The following SHANK2 variants were observed in gnomAD, a reference collection of about 807,000 sequenced individuals.
The protein encoded by SHANK2 is SH3 and multiple ankyrin repeat domains protein 2.
Under a neutral mutation model 133.7 loss-of-function variants are expected in SHANK2, and 43 were observed. That is an observed-to-expected ratio of 0.32 (90% confidence interval 0.25 to 0.41). The LOEUF (loss-of-function observed/expected upper bound fraction) is 0.41. Among genes scored for constraint, SHANK2 ranks in the 10% least tolerant of loss-of-function variants. The pLI is 1.00. For missense variants in SHANK2, 1,994 were observed against 2,235.8 expected, an observed-to-expected ratio of 0.89 and a Z score of 2.18; for synonymous variants, 1,017 against 952.8, an observed-to-expected ratio of 1.07 and a Z score of -1.24.
At chr11:71,248,418 T>A (rs937231482) in intron 1 of SHANK2, among the ~76,000 whole-genome samples, 2 of 152,200 alleles carry the variant, frequency 1.3e-5, no homozygotes, top group African/African-American at 4.8e-5. Context: ...CTGGGCAGCG[T>A]GCATTTAACC....
intron 14 of SHANK2, 136 bp from the exon 15 acceptor site, chr11:70,698,899 G>A: frequency 1.4e-6 from 1 of 696,244 alleles, no homozygotes. Flanking sequence ...GAAGAGTCTG[G>A]AGGAAAATGA....
At chr11:70,607,038 C>T (rs1348250694) in intron 17 of SHANK2, among the ~76,000 whole-genome samples, 5 of 152,210 alleles carry the variant, frequency 3.3e-5, no homozygotes, top group African/African-American at 1.2e-4. Context: ...GGCCCCTCCA[C>T]ATAGCCGGGG....
chr11:71,181,614 T>G (rs1378341998), intron 2 of SHANK2, among the ~76,000 whole-genome samples: 1 of 151,966 alleles, frequency 6.6e-6, no homozygotes, highest in African/African-American at 2.4e-5. Context: ...AAAGGGCAGG[T>G]GCTGAAAAGA....
At chr11:71,235,173 G>A (rs1336472440) in intron 1 of SHANK2, among the ~76,000 whole-genome samples, 1 of 152,172 alleles carries the variant, frequency 6.6e-6, no homozygotes, top group African/African-American at 2.4e-5. Context: ...CTAATGAGGT[G>A]ACTTAGGGTG....
chr11:70,472,510 C>T lies in SHANK2; in HGVS notation c.*359G>A, dbSNP rs79567625. On this transcript the variant is annotated 3_prime_UTR_variant, in exon 26 of 26. Transcript: ENST00000601538. The surrounding 1 kb of genome is among the most constrained non-coding windows in gnomAD (Gnocchi z 4.4). ...GGTCTCAGGAGGTATCTAGAGTGCA[C>T]TGGTGTCTGCCTACAAGAGCTAGGA... The T allele has an allele frequency of 2.4e-3, 859 of 363,630 alleles. 4 individuals carry two copies. Among genetic ancestry groups the T allele is most frequent in the Admixed American group, 3.4e-3 (86 of 24,950 alleles). The allele number at this position is 363,630 out of a possible 1,614,324, so 22.5% of individuals were successfully genotyped here.
intron 15 of SHANK2, among the ~76,000 whole-genome samples, chr11:70,671,446 A>C (rs1555016042): frequency 6.6e-6 from 1 of 152,198 alleles, no homozygotes; most frequent in African/African-American, 2.4e-5. Context: ...TGGAGACCAC[A>C]GTGGGGTGGG....
rs536196860 is a variant in SHANK2, at chr11:71,126,970, G to T, written c.208-7938C>A. ...TCTGCCCACCTCGGCCTCCCAAAAT[G>T]CTGGGACTACAGGCTTGAGCCACCG... On this transcript the variant is annotated intron_variant, in intron 3 of 25. Coordinates refer to ENST00000601538, the MANE Select transcript of SHANK2 (RefSeq NM_012309.5). 9.2e-5 allele frequency among the ~76,000 whole-genome samples: 14 copies of T among 152,240 alleles called. No homozygotes were observed. In the East Asian group the frequency reaches 2.5e-3, roughly 27 times the overall value.
intron 17 of SHANK2, among the ~76,000 whole-genome samples, chr11:70,517,358 C>A (rs979764385): frequency 2.0e-5 from 3 of 152,316 alleles, no homozygotes; most frequent in African/African-American, 7.2e-5. Flanking sequence ...CAATTGTGCT[C>A]CTTTGTATTT....
At chr11:70,684,680 C>T (rs1230365674) in intron 15 of SHANK2, among the ~76,000 whole-genome samples, 1 of 151,690 alleles carries the variant, frequency 6.6e-6, no homozygotes, top group Non-Finnish European at 1.5e-5. Flanking sequence ...AAGGTGGGAG[C>T]AGGTAAACCC....
intron 17 of SHANK2, among the ~76,000 whole-genome samples, chr11:70,574,233 G>A (rs558513023): frequency 1.3e-5 from 2 of 152,356 alleles, no homozygotes; most frequent in African/African-American, 4.8e-5. Flanking sequence ...AGACTGCGGA[G>A]GTGTGGCCCA....
chr11:70,798,522 G>T lies in SHANK2; in HGVS notation c.1698C>A (p.Gly566=). The change falls in exon 14 of 26, where the codon GGC becomes GGA. Residue 566 remains glycine (G), a synonymous_variant. Coordinates refer to ENST00000601538, the MANE Select transcript of SHANK2 (RefSeq NM_012309.5). The part of the protein sequence containing the change: ...LSIGEGGFWE[G]SARGHIGWFP... ...ACCATCCGATGTGGCCGCGGGCGCT[G>T]CCTTCCCAGAAGCCCCCTTCACCGA... The T allele has an allele frequency of 2.8e-6, 2 of 718,602 alleles. No individual in the cohort carries two copies. The highest frequency in any genetic ancestry group is 5.2e-6 in the Non-Finnish European group (2 of 385,102). 44.5% of individuals were successfully genotyped at this position (718,602 alleles called of 1,614,324 possible).
intron 17 of SHANK2, among the ~76,000 whole-genome samples, chr11:70,582,968 TC>T (rs2136230890): frequency 6.6e-6 from 1 of 152,310 alleles, no homozygotes; most frequent in African/African-American, 2.4e-5. Context: ...CAGCTCACTC[TC>T]CTGAGGCTTG....
At chr11:71,140,399 C>A (rs1952532169) in intron 3 of SHANK2, among the ~76,000 whole-genome samples, 1 of 152,238 alleles carries the variant, frequency 6.6e-6, no homozygotes, top group Non-Finnish European at 1.5e-5. Flanking sequence ...GGGCAGAACA[C>A]CTGCTGGGGA....
intron 11 of SHANK2, among the ~76,000 whole-genome samples, chr11:70,873,425 A>T (rs1369263139): frequency 1.3e-5 from 2 of 152,184 alleles, no homozygotes; most frequent in African/African-American, 4.8e-5. Context: ...AGCAGAGGGG[A>T]GGCAGGCAGG....
At chr11:70,915,264 G>A (rs1477566700) in intron 10 of SHANK2, among the ~76,000 whole-genome samples, 8 of 152,124 alleles carry the variant, frequency 5.3e-5, no homozygotes, top group African/African-American at 1.9e-4. Context: ...AATGTGCAGG[G>A]CTGCTGTTCC....
At chr11:70,751,685 T>C (rs1946751486) in intron 14 of SHANK2, among the ~76,000 whole-genome samples, 1 of 152,216 alleles carries the variant, frequency 6.6e-6, no homozygotes, top group Non-Finnish European at 1.5e-5. Flanking sequence ...TGATAGTAGT[T>C]TCAATATATG....
At chr11:71,198,346 C>G (rs1360973591) in intron 2 of SHANK2, among the ~76,000 whole-genome samples, 10 of 152,182 alleles carry the variant, frequency 6.6e-5, no homozygotes, top group Admixed American at 3.9e-4. Context: ...AGGATCTCCC[C>G]CTGTGGGGAG....
chr11:71,147,951 G>C lies in SHANK2; in HGVS notation c.-12-613C>G, dbSNP rs1234829627. On this transcript the variant is annotated intron_variant, in intron 2 of 25. Coordinates refer to ENST00000601538, the MANE Select transcript of SHANK2 (RefSeq NM_012309.5). ...AACCAAGAGTCATGAGCAGACTGCA[G>C]CCATCAGACTTGGGGGTCCCCAAGA... Among the ~76,000 whole-genome samples the C allele has an allele frequency of 2.6e-5, 4 of 152,052 alleles. No homozygotes were observed. The East Asian group carries it at 7.7e-4, about 29-fold the overall frequency.
At chr11:71,233,428 A>G (rs1954776511) in intron 1 of SHANK2, among the ~76,000 whole-genome samples, 1 of 152,202 alleles carries the variant, frequency 6.6e-6, no homozygotes, top group Non-Finnish European at 1.5e-5. Context: ...CAAACTCACC[A>G]AGACGGGAGA....
Sources: allele counts gnomAD v4.1 joint callset (sites outside exome capture counted in the v4.1 genomes callset), GRCh38; gene constraint gnomAD v4.1.1; non-coding constraint Gnocchi (gnomAD v3.1); transcripts MANE v1.5; gene names NCBI Gene and HGNC (gene_info 2026-07-23, HGNC 2026-07-21).